The following SLC22A23 variants were observed in gnomAD, a reference collection of about 807,000 sequenced individuals.
SLC22A23 encodes solute carrier family 22 member 23.
SLC22A23 carries 26 observed loss-of-function variants against 61.0 expected under a neutral mutation model. The observed-to-expected ratio is 0.43, with a 90% confidence interval of 0.31 to 0.59. SLC22A23 has a LOEUF of 0.59. Ranked by LOEUF, SLC22A23 falls within the 20% of genes least tolerant of loss-of-function variation. The pLI, the probability that SLC22A23 is intolerant of heterozygous loss-of-function variation, is 0.11. For synonymous variants in SLC22A23, 430 were observed against 413.9 expected (o/e 1.04, Z -0.47); for missense variants, 796 against 934.7 (o/e 0.85, Z 1.94).
chr6:3,400,951 A>AT (rs1206416511), intron 3 of SLC22A23, among the ~76,000 whole-genome samples: 3 of 152,202 alleles, frequency 2.0e-5, no homozygotes, highest in Non-Finnish European at 2.9e-5. Context: ...TTCCAATTCC[A>AT]TTTTTTTCTG....
intron 1 of SLC22A23, among the ~76,000 whole-genome samples, chr6:3,440,974 C>G (rs910911490): frequency 1.3e-5 from 2 of 152,126 alleles, no homozygotes; most frequent in South Asian, 4.1e-4. Flanking sequence ...TGTGTGGGGT[C>G]CGGCATCAGG....
intron 1 of SLC22A23, among the ~76,000 whole-genome samples, chr6:3,423,398 G>A (rs867513691): frequency 5.3e-5 from 8 of 152,162 alleles, no homozygotes; most frequent in Non-Finnish European, 8.8e-5. Flanking sequence ...ACAGGGCCCC[G>A]ATGGCATTTG....
intron 3 of SLC22A23, among the ~76,000 whole-genome samples, chr6:3,388,838 G>T (rs1767470600): frequency 6.6e-6 from 1 of 152,162 alleles, no homozygotes; most frequent in African/African-American, 2.4e-5. Context: ...ACCATCTGAT[G>T]CTACTTATAA....
chr6:3,374,585 TA>T (rs2127466967), intron 3 of SLC22A23, among the ~76,000 whole-genome samples: 1 of 152,212 alleles, frequency 6.6e-6, no homozygotes, highest in Admixed American at 6.5e-5. Flanking sequence ...TGATGACCCT[TA>T]AGTAAAAAAA....
rs1762737321 is a variant in SLC22A23 at position 3,317,989 on chromosome 6, G to A, written c.1082+5845C>T. Among the ~76,000 whole-genome samples, 2 of 152,138 alleles carry A rather than the reference G, an allele frequency of 1.3e-5. No individual in the cohort carries two copies. Among genetic ancestry groups the A allele is most frequent in the Admixed American group, 6.5e-5 (1 of 15,280 alleles). ...GCCTATCTTGGCTCCACTTGCTGGA[G>A]CATAAATCATTCATGTGTCCCATCT... is the stretch of plus-strand genomic sequence containing the variant. On this transcript the variant is annotated intron_variant, in intron 4 of 9. Coordinates refer to ENST00000406686, the MANE Select transcript of SLC22A23 (RefSeq NM_015482.2). The surrounding 1 kb of genome is among the most constrained non-coding windows in gnomAD (Gnocchi z 4.4).
At chr6:3,401,622 C>G (rs1768397980) in intron 3 of SLC22A23, among the ~76,000 whole-genome samples, 2 of 152,190 alleles carry the variant, frequency 1.3e-5, no homozygotes, top group African/African-American at 2.4e-5. Context: ...TTTTCAATGT[C>G]CTGCATCACT....
At position 3,428,091 on chromosome 6, in the gene SLC22A23, G is replaced by A. The variant is rs138760404; in HGVS notation, c.655-12236C>T. 3.3e-5 allele frequency among the ~76,000 whole-genome samples: 5 copies of A among 152,338 alleles called. No individual in the cohort carries two copies. The East Asian group carries it at 7.7e-4, about 23-fold the overall frequency. ...AGGATCACTACCCTGAGAACTCACCGGGGCCTGGCCAGATGCGTATGGGAC... is the reference window on the plus strand; with the variant it reads ...AGGATCACTACCCTGAGAACTCACCAGGGCCTGGCCAGATGCGTATGGGAC... On this transcript the variant is annotated intron_variant, in intron 1 of 9. Coordinates refer to ENST00000406686, the MANE Select transcript of SLC22A23 (RefSeq NM_015482.2).
chr6:3,284,757 C>G (rs374387062), intron 8 of SLC22A23, among the ~76,000 whole-genome samples: 3 of 152,370 alleles, frequency 2.0e-5, no homozygotes, highest in Non-Finnish European at 2.9e-5. Flanking sequence ...TTTCTCCCCC[C>G]ACCCAGACAA....
intron 4 of SLC22A23, among the ~76,000 whole-genome samples, chr6:3,316,341 G>A (rs1291130460): frequency 1.3e-5 from 2 of 152,220 alleles, no homozygotes; most frequent in Admixed American, 1.3e-4. Flanking sequence ...TGGTTAATAT[G>A]TTTTCACACG....
At chr6:3,310,628 G>A (rs1561888644) in intron 4 of SLC22A23, among the ~76,000 whole-genome samples, 1 of 152,048 alleles carries the variant, frequency 6.6e-6, no homozygotes, top group Non-Finnish European at 1.5e-5. Context: ...TAATTGCTCA[G>A]TAGAATCTGT....
chr6:3,407,216 T>C (rs773672403), intron 3 of SLC22A23, among the ~76,000 whole-genome samples: 1 of 152,256 alleles, frequency 6.6e-6, no homozygotes, highest in Non-Finnish European at 1.5e-5. Flanking sequence ...ACTTCAACCC[T>C]GTGACCTGGC....
chr6:3,346,010 T>C (rs144377966), intron 3 of SLC22A23, among the ~76,000 whole-genome samples: 2 of 152,342 alleles, frequency 1.3e-5, no homozygotes, highest in Non-Finnish European at 2.9e-5. Context: ...GTACACACGC[T>C]TGCTGTCAGC....
rs1461163486 is a variant in SLC22A23, at chr6:3,360,001, T to G, written c.914-35999A>C. The stretch of plus-strand genomic sequence containing the variant: ...CCTGAAGACATTATGCTAAGTGAAG[T>G]AAGCCAGTCACAAAAGGACAAATAT... On this transcript the variant is annotated intron_variant, in intron 3 of 9. Coordinates refer to ENST00000406686, the MANE Select transcript of SLC22A23 (RefSeq NM_015482.2). This position sits in a 1 kb window ranked among gnomAD's most constrained non-coding sequence, Gnocchi z 4.6. Among the ~76,000 whole-genome samples the G allele has an allele frequency of 6.6e-6, 1 of 152,210 alleles. No homozygotes were observed. Among genetic ancestry groups the G allele is most frequent in the Non-Finnish European group, 1.5e-5 (1 of 68,032 alleles).
At chr6:3,350,801 T>G (rs560861853) in intron 3 of SLC22A23, among the ~76,000 whole-genome samples, 3 of 152,296 alleles carry the variant, frequency 2.0e-5, no homozygotes, top group Admixed American at 6.5e-5. Context: ...GACGGAGTTA[T>G]TTTCACATCA....
In SLC22A23 at chr6:3,390,020, G is replaced by A. The variant is rs1371120642; in HGVS notation, c.913+20168C>T. On this transcript the variant is annotated intron_variant, in intron 3 of 9. Coordinates refer to ENST00000406686, the MANE Select transcript of SLC22A23 (RefSeq NM_015482.2). This position sits in a 1 kb window ranked among gnomAD's most constrained non-coding sequence, Gnocchi z 4.0. The stretch of plus-strand genomic sequence containing the variant: ...AATACAAAAGTGACATCATCACTTT[G>A]CATTTCAAAAAAAGGCCTGGTTTGG... Among the ~76,000 whole-genome samples the A allele has an allele frequency of 6.6e-6, 1 of 152,148 alleles. No homozygotes were observed. The highest frequency in any genetic ancestry group is 1.5e-5 in the Non-Finnish European group (1 of 68,016).
chr6:3,316,660 T>C (rs574732432), intron 4 of SLC22A23, among the ~76,000 whole-genome samples: 155 of 152,298 alleles, frequency 1.0e-3, no homozygotes, highest in Middle Eastern at 3.4e-3. Flanking sequence ...TTTTAAGAGA[T>C]AGGGTCTTGC....
intron 4 of SLC22A23, among the ~76,000 whole-genome samples, chr6:3,310,239 CCT>C (rs1762276213): frequency 6.9e-6 from 1 of 145,620 alleles, no homozygotes; most frequent in African/African-American, 2.8e-5. Context: ...ACTGGAGCAC[CCT>C]GTCTCCCAGG....
chr6:3,285,164 A>G (rs771551205), intron 7 of SLC22A23, 53 bp from the exon 8 acceptor site: 40 of 1,605,958 alleles, frequency 2.5e-5, no homozygotes, highest in African/African-American at 4.0e-5. Context: ...AGCAAGCGAG[A>G]AGAGAGAAGA....
At chr6:3,355,066 A>G (rs1217424759) in intron 3 of SLC22A23, among the ~76,000 whole-genome samples, 1 of 151,928 alleles carries the variant, frequency 6.6e-6, no homozygotes, top group African/African-American at 2.4e-5. Flanking sequence ...TTATAAAAAC[A>G]CAAACAAAAA....
Sources: gnomAD v4.1 joint callset for allele counts (sites outside exome capture counted in the v4.1 genomes callset) on GRCh38, gnomAD v4.1.1 for gene constraint, Gnocchi (gnomAD v3.1) non-coding constraint, MANE v1.5 for transcripts, NCBI Gene and HGNC (gene_info 2026-07-23, HGNC 2026-07-21) for gene names.